The following CAPN12 variants were observed in gnomAD, a reference collection of about 807,000 sequenced individuals.
CAPN12 encodes the protein calpain 12, also known as calpain-12.
A neutral mutation model predicts 95.0 loss-of-function variants in CAPN12; 107 were observed. That is an observed-to-expected ratio of 1.13 (90% CI 0.96 to 1.32). The LOEUF (loss-of-function observed/expected upper bound fraction) is 1.32, where lower values mean the gene tolerates loss of function less well. Ranked by LOEUF, CAPN12 falls within the 40% of genes most tolerant of loss-of-function variation. The pLI, the probability that CAPN12 is intolerant of heterozygous loss-of-function variation, is 0.00. For synonymous variants in CAPN12, 505 were observed against 415.5 expected, an observed-to-expected ratio of 1.22 and a Z score of -2.62; for missense variants, 1,136 against 997.8, an observed-to-expected ratio of 1.14 and a Z score of -1.87.
chr19:38,736,407 AC>A, intron 11 of CAPN12, 89 bp from the exon 12 acceptor site: 1 of 1,507,408 alleles, frequency 6.6e-7, no homozygotes, highest in Non-Finnish European at 8.9e-7. Flanking sequence ...ACCCTGCCTA[AC>A]CCCTGTCCAC....
At chr19:38,736,711 AC>A in intron 10 of CAPN12, 148 bp from the exon 11 acceptor site, 1 of 1,019,664 alleles carries the variant, frequency 9.8e-7, no homozygotes, top group Non-Finnish European at 1.4e-6. Flanking sequence ...GCAGTCCCCG[AC>A]CCAGGCCCTC....
chr19:38,733,642 G>A (rs1969795305), intron 18 of CAPN12, 61 bp downstream of exon 18: 1 of 1,451,150 alleles, frequency 6.9e-7, no homozygotes, highest in African/African-American at 1.4e-5. Context: ...GGGACTTGGA[G>A]ACAATGGGAT....
intron 15 of CAPN12, 95 bp from the exon 16 acceptor site, chr19:38,734,484 T>C: frequency 2.8e-6 from 3 of 1,089,602 alleles, no homozygotes; most frequent in East Asian, 2.5e-5. Context: ...CAGGTGATGT[T>C]GTCAGTCCCA....
chr19:38,735,967 CGGGGCGGGGCGGGGCAGGGGTTCTG>C lies in CAPN12; in HGVS notation c.1583+118_1583+142del, dbSNP rs1277215701. 3 of 162,640 alleles carry C rather than the reference CGGGGCGGGGCGGGGCAGGGGTTCTG, an allele frequency of 1.8e-5. No homozygotes were observed. The African/African-American group carries it at 4.0e-4, about 22-fold the overall frequency. 10.1% of individuals were successfully genotyped at this position (162,640 alleles called of 1,614,324 possible). On this transcript the variant is annotated intron_variant, in intron 12 of 20. Coordinates refer to ENST00000328867, the MANE Select transcript of CAPN12 (RefSeq NM_144691.4). ...CGGGGCGGGGCGGGGGTTCTGGGGG[CGGGGCGGGGCGGGGCAGGGGTTCTG>C]GGGGCGGGGCAGGTCAGGTCTCGGG...
intron 19 of CAPN12, 30 bp downstream of exon 19, chr19:38,731,077 C>A (rs773294799): frequency 9.1e-7 from 1 of 1,093,446 alleles, no homozygotes; most frequent in South Asian, 1.6e-5. Flanking sequence ...CCCTTCCCCC[C>A]ATGCCCCACC....
At chr19:38,732,282 C>A (rs1397188126) in intron 18 of CAPN12, among the ~76,000 whole-genome samples, 3 of 152,214 alleles carry the variant, frequency 2.0e-5, no homozygotes, top group African/African-American at 7.2e-5. Flanking sequence ...CCCCACGTCT[C>A]CCAATCCTTG....
Position 38,742,526 on chromosome 19 carries a change from T to TA in CAPN12, c.309dup (p.Asn104Ter). ...GCGGCAGCTGCAAGGAACCAGCAGT[T>TA]ACCTGGGAGGAGAGGCCAGGATTAG... On this transcript the variant is annotated frameshift_variant and splice_region_variant, in exon 3 of 21. Coordinates refer to ENST00000328867, the MANE Select transcript of CAPN12 (RefSeq NM_144691.4). LOFTEE classifies it high-confidence loss of function. The TA allele has an allele frequency of 2.5e-6, 4 of 1,607,328 alleles. No individual in the cohort carries two copies. The highest frequency in any genetic ancestry group is 3.4e-6 in the Non-Finnish European group (4 of 1,175,738).
At position 38,730,662 on chromosome 19, in the gene CAPN12, T is replaced by C. The variant is rs1969514082; in HGVS notation, c.*190A>G. On this transcript the variant is annotated 3_prime_UTR_variant, in exon 21 of 21. Transcript: ENST00000328867. ...CGTGTCATCTGCTCGAGAAGGGCTGTCGCTGTTCTTGTTTCTGAGTGAGGA... is the reference window on the plus strand; with the variant it reads ...CGTGTCATCTGCTCGAGAAGGGCTGCCGCTGTTCTTGTTTCTGAGTGAGGA... 1.1e-5 allele frequency: 7 copies of C among 660,222 alleles called. No homozygotes were observed. Among genetic ancestry groups the C allele is most frequent in the South Asian group, 1.8e-5 (1 of 55,056 alleles). The allele number at this position is 660,222 out of a possible 1,614,324, so 40.9% of individuals were successfully genotyped here.
chr19:38,744,084 G>A lies in CAPN12; in HGVS notation c.82C>T (p.Arg28Trp), dbSNP rs776674497. The change falls in exon 1 of 21, where the codon CGG becomes TGG. Residue 28 changes from arginine to tryptophan, a missense_variant. Transcript: ENST00000328867. ...GVGAGRLQLFRGQSYEAIRAA... is the reference protein window; with the variant it reads ...GVGAGRLQLFWGQSYEAIRAA... Reference sequence around the variant, plus strand: ...CGAATTGCCTCATAGCTCTGGCCCCGAAAAAGCTGCAGGCGCCCGGCTCCG... The same window carrying A: ...CGAATTGCCTCATAGCTCTGGCCCCAAAAAAGCTGCAGGCGCCCGGCTCCG... The A allele has an allele frequency of 7.1e-5, 115 of 1,614,026 alleles. No individual in the cohort carries two copies. Among genetic ancestry groups the A allele is most frequent in the East Asian group, 3.6e-4 (16 of 44,884 alleles).
intron 14 of CAPN12, 52 bp downstream of exon 14, chr19:38,735,318 C>A: frequency 6.6e-7 from 1 of 1,507,954 alleles, no homozygotes; most frequent in African/African-American, 1.4e-5. Context: ...AAGGGGGGTC[C>A]CCAAGGGGAG....
chr19:38,742,256 G>A (rs539986558), intron 3 of CAPN12, 154 bp downstream of exon 3: 14 of 671,548 alleles, frequency 2.1e-5, no homozygotes, highest in Middle Eastern at 3.4e-4. Context: ...ACCTGGGGGC[G>A]GGGCGAAGGT....
rs1363628598 is a variant in CAPN12 at position 38,738,304 on chromosome 19, G to A, written c.934C>T (p.Leu312=). The part of the protein sequence containing the change: ...DTLPTECRDA[L]LVKKEDGEFW... ...TCGCCATCCTCCTTTTTCACCAGCA[G>A]GGCATCGCGGCACTCGGTGGGGAGT... The change falls in exon 8 of 21, where the codon CTG becomes TTG. Residue 312 remains leucine (L), a synonymous_variant. Coordinates refer to ENST00000328867, the MANE Select transcript of CAPN12 (RefSeq NM_144691.4). 2.5e-6 allele frequency: 4 copies of A among 1,612,000 alleles called. No individual in the cohort carries two copies. The highest frequency in any genetic ancestry group is 2.5e-6 in the Non-Finnish European group (3 of 1,180,034).
intron 10 of CAPN12, chr19:38,736,777 T>G (rs932831537): frequency 2.7e-5 from 17 of 625,240 alleles, no homozygotes; most frequent in Non-Finnish European, 4.1e-5. Flanking sequence ...GCCTTCTCTG[T>G]ATCCTTGGTC....
chr19:38,738,389 G>T, intron 7 of CAPN12, 29 bp downstream of exon 7: 1 of 1,610,728 alleles, frequency 6.2e-7, no homozygotes. Flanking sequence ...GTGGGGTCCA[G>T]CCCCACACCC....
At chr19:38,731,258 C>T (rs778587766) in intron 18 of CAPN12, 35 bp from the exon 19 acceptor site, 2 of 1,562,328 alleles carry the variant, frequency 1.3e-6, no homozygotes, top group Non-Finnish European at 8.8e-7. Context: ...CAGTGGCCCA[C>T]AGGGAACCCA....
chr19:38,743,973 G>A lies in CAPN12; in HGVS notation c.193C>T (p.Pro65Ser). The change falls in exon 1 of 21, where the codon CCG becomes TCG. Residue 65 changes from proline to serine, a missense_variant. Transcript: ENST00000328867. The stretch of plus-strand genomic sequence containing the variant: ...ACGCCTTTGGCCTTCTCCGAGTCCG[G>A]CCCCAGCTGGTCATAGCCAAGGGCA... ...PDALGYDQLG[P>S]DSEKAKGVKW... is the part of the protein sequence containing the mutation. 6 of 1,614,236 alleles carry A rather than the reference G, an allele frequency of 3.7e-6. No homozygotes were observed. The highest frequency in any genetic ancestry group is 5.1e-6 in the Non-Finnish European group (6 of 1,180,044).
intron 18 of CAPN12, 138 bp from the exon 19 acceptor site, chr19:38,731,361 G>C: frequency 2.9e-6 from 2 of 680,752 alleles, no homozygotes; most frequent in Non-Finnish European, 5.3e-6. Context: ...GGCAGGGTGA[G>C]TACAGGCTGA....
At chr19:38,736,340 C>T (rs890441443) in intron 11 of CAPN12, 22 bp from the exon 12 acceptor site, 7 of 1,455,256 alleles carry the variant, frequency 4.8e-6, no homozygotes, top group Non-Finnish European at 6.3e-6. Flanking sequence ...GCGGCATGAC[C>T]ACGGACCAGG....
chr19:38,733,832 G>C, intron 17 of CAPN12, 51 bp from the exon 18 acceptor site: 1 of 1,456,536 alleles, frequency 6.9e-7, no homozygotes, highest in Admixed American at 1.7e-5. Context: ...GAAGAGGGCT[G>C]CCAATGGGGC....
Sources: allele counts gnomAD v4.1 joint callset (sites outside exome capture counted in the v4.1 genomes callset), GRCh38; gene constraint gnomAD v4.1.1; transcripts MANE v1.5; gene names NCBI Gene and HGNC (gene_info 2026-07-23, HGNC 2026-07-21).